CYFIP2: variants seen among roughly 807,000 people sequenced by gnomAD.
CYFIP2 encodes the protein cytoplasmic FMR1-interacting protein 2.
A neutral mutation model predicts 158.7 loss-of-function variants in CYFIP2; 29 were observed. The observed-to-expected ratio is 0.18, with a 90% CI of 0.14 to 0.25. CYFIP2 has a LOEUF of 0.25. Among genes scored for constraint, CYFIP2 ranks in the 10% least tolerant of loss-of-function variants. The probability of loss-of-function intolerance (pLI) is 1.00; values close to 1 mark genes in which losing one functional copy is unlikely to be tolerated. For synonymous variants in CYFIP2, 585 were observed against 617.6 expected, an observed-to-expected ratio of 0.95 and a Z score of 0.78; for missense variants, 852 against 1,639.5, an observed-to-expected ratio of 0.52 and a Z score of 8.29.
intron 2 of CYFIP2, among the ~76,000 whole-genome samples, chr5:157,286,406 C>G (rs903606733): frequency 1.3e-5 from 2 of 148,378 alleles, no homozygotes; most frequent in African/African-American, 2.5e-5. Flanking sequence ...CAATAGAGAA[C>G]CATACTATAT....
chr5:157,342,977 T>G, intron 23 of CYFIP2: 1 of 1,614,150 alleles, frequency 6.2e-7, no homozygotes, highest in East Asian at 2.2e-5. Context: ...ATCTCTGGAG[T>G]TCTTGCGTGG....
intron 28 of CYFIP2, chr5:157,384,293 CTCCTT>C (rs1561788490): frequency 2.2e-6 from 1 of 456,766 alleles, no homozygotes; most frequent in South Asian, 1.5e-5. Context: ...CATGTGCTAT[CTCCTT>C]TCAAGTTGAT....
chr5:157,312,647 C>T (rs1190705745), intron 11 of CYFIP2, among the ~76,000 whole-genome samples: 1 of 152,212 alleles, frequency 6.6e-6, no homozygotes, highest in Admixed American at 6.5e-5. Flanking sequence ...CAAACCCCAA[C>T]TCAGGAGATG....
At chr5:157,297,999 G>A (rs1470486719) in intron 5 of CYFIP2, among the ~76,000 whole-genome samples, 2 of 152,224 alleles carry the variant, frequency 1.3e-5, no homozygotes, top group African/African-American at 4.8e-5. Context: ...AGGAGAAAGT[G>A]TGACTTAGTC....
intron 26 of CYFIP2, among the ~76,000 whole-genome samples, chr5:157,373,629 C>CA: frequency 1.3e-5 from 2 of 151,946 alleles, no homozygotes; most frequent in South Asian, 2.1e-4. Context: ...AATATAGGCC[C>CA]AAAAAAATCC....
chr5:157,297,366 C>A (rs1758339709), intron 5 of CYFIP2, among the ~76,000 whole-genome samples: 1 of 152,196 alleles, frequency 6.6e-6, no homozygotes, highest in Non-Finnish European at 1.5e-5. Flanking sequence ...ACATCCCTGG[C>A]CCTTTCACTC....
At position 157,361,613 on chromosome 5, in the gene CYFIP2, C is replaced by G. The variant is rs750894055; in HGVS notation, c.3039+15C>G. 6.2e-7 allele frequency: 1 copy of G among 1,613,608 alleles called. No homozygotes were observed. The highest frequency in any genetic ancestry group is 2.2e-5 in the East Asian group (1 of 44,856). On this transcript the variant is annotated intron_variant, in intron 26 of 30. Transcript: ENST00000620254. The surrounding 1 kb of genome is among the most constrained non-coding windows in gnomAD (Gnocchi z 4.4). ...AGCAAGCTCTGGTAAGTCCAGAGCCCAAAGGAAGTGGGGTGTCTCCAGGTT... is the reference window on the plus strand; with the variant it reads ...AGCAAGCTCTGGTAAGTCCAGAGCCGAAAGGAAGTGGGGTGTCTCCAGGTT...
chr5:157,305,713 C>T (rs1759160402), intron 8 of CYFIP2, among the ~76,000 whole-genome samples: 3 of 152,140 alleles, frequency 2.0e-5, no homozygotes, highest in Non-Finnish European at 4.4e-5. Flanking sequence ...CAAGGTCTTC[C>T]TATGTTGACC....
chr5:157,371,352 A>G (rs968870603), intron 26 of CYFIP2, among the ~76,000 whole-genome samples: 1 of 152,220 alleles, frequency 6.6e-6, no homozygotes, highest in Non-Finnish European at 1.5e-5. Context: ...TCTCCATACA[A>G]AAACATAATG....
At chr5:157,273,143 G>T (rs1282526694) in intron 1 of CYFIP2, among the ~76,000 whole-genome samples, 1 of 152,334 alleles carries the variant, frequency 6.6e-6, no homozygotes, top group East Asian at 1.9e-4. Context: ...TGGGATTACA[G>T]GCACGAGCCA....
chr5:157,347,305 G>GAAAAA (rs11447275), intron 23 of CYFIP2, among the ~76,000 whole-genome samples: 1 of 134,180 alleles, frequency 7.5e-6, no homozygotes, highest in African/African-American at 2.7e-5. Flanking sequence ...TTTTCCCTTG[G>GAAAAA]AAAAAAAAAA....
At position 157,304,227 on chromosome 5, in the gene CYFIP2, C is replaced by T. The variant is rs1452522446; in HGVS notation, c.667-11C>T. 1 of 1,610,826 alleles carries T rather than the reference C, an allele frequency of 6.2e-7. No homozygotes were observed. The highest frequency in any genetic ancestry group is 2.2e-5 in the East Asian group (1 of 44,858). ...TGCGCTGCCTAACCTGAGGGTGGCGCTGCTGTTCAGTGTCTCCACCAGCAA... is the reference window on the plus strand; with the variant it reads ...TGCGCTGCCTAACCTGAGGGTGGCGTTGCTGTTCAGTGTCTCCACCAGCAA... On this transcript the variant is annotated splice_polypyrimidine_tract_variant and intron_variant, in intron 7 of 30. Transcript: ENST00000620254.
chr5:157,344,289 TATGTCACTTGTC>T (rs1742223737), intron 23 of CYFIP2, among the ~76,000 whole-genome samples: 2 of 152,232 alleles, frequency 1.3e-5, no homozygotes, highest in Admixed American at 1.3e-4. Context: ...AAGTGGTTGC[TATGTCACTTGTC>T]ATGCTAGATG....
chr5:157,277,384 C>G (rs373785899), intron 1 of CYFIP2, among the ~76,000 whole-genome samples: 2 of 152,154 alleles, frequency 1.3e-5, no homozygotes, highest in African/African-American at 4.8e-5. Flanking sequence ...CGAGTCTGGC[C>G]TTATCTGTGT....
At chr5:157,305,341 A>G (rs1297956416) in intron 8 of CYFIP2, among the ~76,000 whole-genome samples, 1 of 152,234 alleles carries the variant, frequency 6.6e-6, no homozygotes, top group African/African-American at 2.4e-5. Flanking sequence ...AGAAAACAAA[A>G]TAAATCTTCA....
intron 17 of CYFIP2, 119 bp from the exon 18 acceptor site, chr5:157,326,052 G>A (rs1184853895): frequency 3.9e-6 from 3 of 777,434 alleles, no homozygotes; most frequent in African/African-American, 3.5e-5. Flanking sequence ...ACGTAAGAGA[G>A]GGATGAAAGA....
At position 157,394,706 on chromosome 5, in the gene CYFIP2, G is replaced by A. The variant is rs1379792593; in HGVS notation, c.*1706G>A. The A allele has an allele frequency of 1.3e-5, 2 of 152,206 alleles. No homozygotes were observed. The highest frequency in any genetic ancestry group is 4.8e-5 in the African/African-American group (2 of 41,436). The allele number at this position is 152,206 out of a possible 1,614,324, so 9.4% of individuals were successfully genotyped here. On this transcript the variant is annotated 3_prime_UTR_variant, in exon 31 of 31. Coordinates refer to ENST00000620254, the MANE Select transcript of CYFIP2 (RefSeq NM_001037333.3). ...AATCATTCTGGTCACCTTGAGCTTT[G>A]AGCTACCACTAAGCCATGAAAGAAA...
intron 3 of CYFIP2, 96 bp downstream of exon 3, chr5:157,287,204 T>A: frequency 1.1e-6 from 1 of 909,432 alleles, no homozygotes; most frequent in Non-Finnish European, 1.8e-6. Flanking sequence ...GCTCAGCTAC[T>A]CTAAGAACCC....
At chr5:157,336,674 C>T (rs1194624586) in intron 21 of CYFIP2, among the ~76,000 whole-genome samples, 2 of 152,182 alleles carry the variant, frequency 1.3e-5, no homozygotes, top group Non-Finnish European at 2.9e-5. Context: ...TGAAGTTGCC[C>T]ACTGGGGTGT....
Sources: gnomAD v4.1 joint callset for allele counts (sites outside exome capture counted in the v4.1 genomes callset) on GRCh38, gnomAD v4.1.1 for gene constraint, Gnocchi (gnomAD v3.1) non-coding constraint, MANE v1.5 for transcripts, NCBI Gene and HGNC (gene_info 2026-07-23, HGNC 2026-07-21) for gene names.